Variants in METTL17 observed in about 807,000 individuals in gnomAD.
METTL17 encodes the protein methyltransferase like 17.
A neutral mutation model predicts 59.4 loss-of-function variants in METTL17; 49 were observed. The ratio of observed to expected loss-of-function variants is 0.82; its 90% CI spans 0.66 to 1.05. The LOEUF is 1.05. Ranked by LOEUF, METTL17 falls within the 50% of genes least tolerant of loss-of-function variation. METTL17 has a pLI of 0.00. For synonymous variants in METTL17, 208 were observed against 209.2 expected (o/e 0.99, Z 0.05); for missense variants, 555 against 578.4 (o/e 0.96, Z 0.41).
chr14:20,993,121 C>A lies in METTL17; in HGVS notation c.532C>A (p.Arg178=), dbSNP rs372199500. The A allele has an allele frequency of 6.2e-7, 1 of 1,613,972 alleles. No individual in the cohort carries two copies. Among genetic ancestry groups the A allele is most frequent in the Non-Finnish European group, 8.5e-7 (1 of 1,179,914 alleles). Residue 178 remains arginine (R), a synonymous_variant, in exon 6 of 14, where the codon CGG becomes AGG. Coordinates refer to ENST00000339374, the MANE Select transcript of METTL17 (RefSeq NM_022734.3). ...AAVSRAFHEI[R]ARNPAFQPQT... is the part of the protein sequence containing the mutation. ...GGGATGTTGTATATTTCTTCAGATC[C>A]GGGCTCGAAATCCAGCATTTCAGCC...
At chr14:20,992,283 A>G (rs1039741801) in intron 4 of METTL17, 78 bp downstream of exon 4, 27 of 907,140 alleles carry the variant, frequency 3.0e-5, no homozygotes, top group Non-Finnish European at 4.5e-5. Context: ...CAATTACACA[A>G]TCAATTTAGT....
intron 3 of METTL17, chr14:20,990,814 G>GTT (rs1306064025): frequency 1.9e-5 from 11 of 586,972 alleles, no homozygotes; most frequent in Non-Finnish European, 2.6e-5. Context: ...ACTGTTTTTT[G>GTT]TTTGTTTGTT....
chr14:20,996,715 T>G lies in METTL17; in HGVS notation c.1265+4T>G, dbSNP rs1555322032. ...TCACAGCCCGCCGGCACGGCAGGTA[T>G]GGGGGGTGTGACCAAAATCAGTGGG... is the stretch of plus-strand genomic sequence containing the variant. On this transcript the variant is annotated splice_donor_region_variant and intron_variant, in intron 13 of 13. Transcript: ENST00000339374. The G allele has an allele frequency of 6.2e-7, 1 of 1,614,202 alleles. No individual in the cohort carries two copies.
intron 10 of METTL17, 146 bp from the exon 11 acceptor site, chr14:20,995,755 G>C (rs1290447192): frequency 3.1e-6 from 2 of 649,398 alleles, no homozygotes; most frequent in Non-Finnish European, 5.4e-6. Context: ...GAGTATTAAA[G>C]ATGCAGCCAG....
chr14:20,990,992 G>A (rs1880004611), intron 3 of METTL17, among the ~76,000 whole-genome samples: 1 of 151,894 alleles, frequency 6.6e-6, no homozygotes, highest in Non-Finnish European at 1.5e-5. Flanking sequence ...CACCACACCC[G>A]GCTACTTGTA....
In METTL17 at chr14:20,996,288, G is replaced by T. The variant is rs1038809195; in HGVS notation, c.1076G>T (p.Ser359Ile). 2 of 1,613,818 alleles carry T rather than the reference G, an allele frequency of 1.2e-6. No individual in the cohort carries two copies. Among genetic ancestry groups the T allele is most frequent in the Non-Finnish European group, 1.7e-6 (2 of 1,179,940 alleles). The stretch of plus-strand genomic sequence containing the variant: ...CAGGCGTACCATCCCATCCCCTTCA[G>T]CTGGGTAGGTACCTGGGGATATTGC... Reference protein sequence around the residue: ...FSQAYHPIPFSWNKKPKEEKF... With the variant: ...FSQAYHPIPFIWNKKPKEEKF... The change falls in exon 12 of 14, where the codon AGC (serine) becomes ATC (isoleucine). Residue 359 changes from serine to isoleucine, a missense_variant. By Grantham distance (142) the Ser-to-Ile change is moderately radical. Coordinates refer to ENST00000339374, the MANE Select transcript of METTL17 (RefSeq NM_022734.3).
chr14:20,996,224 C>A lies in METTL17; in HGVS notation c.1012C>A (p.Pro338Thr). The change falls in exon 12 of 14, where the codon CCT becomes ACT. Residue 338 changes from proline to threonine, a missense_variant. Transcript: ENST00000339374. Reference sequence around the variant, plus strand: ...GTGTTCACAGTGTCCCCATGAACTCCCTTGTCCCCAGTTGACCAACCTGGC... The same window carrying A: ...GTGTTCACAGTGTCCCCATGAACTCACTTGTCCCCAGTTGACCAACCTGGC... ...FVFAPCPHELPCPQLTNLACS... is the reference protein window; with the variant it reads ...FVFAPCPHELTCPQLTNLACS... 6.2e-7 allele frequency: 1 copy of A among 1,614,090 alleles called. No homozygotes were observed. Among genetic ancestry groups the A allele is most frequent in the African/African-American group, 1.3e-5 (1 of 75,002 alleles).
At chr14:20,991,024 C>T (rs1260523165) in intron 3 of METTL17, among the ~76,000 whole-genome samples, 1 of 152,158 alleles carries the variant, frequency 6.6e-6, no homozygotes, top group African/African-American at 2.4e-5. Flanking sequence ...GACGGGGTTT[C>T]ATCATGGTGG....
rs1244539485 is a variant in METTL17 at position 20,996,916 on chromosome 14, T to C, written c.*26T>C. On this transcript the variant is annotated 3_prime_UTR_variant, in exon 14 of 14. Transcript: ENST00000339374. ...TGAGGATGTGTAACAAGTATTTTCT[T>C]CTATCGTGCCTGCCAGGGCTGAAGC... 6.3e-7 allele frequency: 1 copy of C among 1,584,706 alleles called. No individual in the cohort carries two copies. Among genetic ancestry groups the C allele is most frequent in the Non-Finnish European group, 8.6e-7 (1 of 1,164,304 alleles).
chr14:20,996,499 T>A, intron 12 of METTL17, 28 bp from the exon 13 acceptor site: 1 of 1,588,582 alleles, frequency 6.3e-7, no homozygotes. Flanking sequence ...CTTTTTCTTC[T>A]AAACAGTCTC....
At position 20,994,056 on chromosome 14, in the gene METTL17, ACTGAAAGGTGAGTGCAAGAGCACTTCC is replaced by A. The variant is rs767678778; in HGVS notation, c.691_697+20del. The A allele has an allele frequency of 1.9e-6, 3 of 1,613,424 alleles. No homozygotes were observed. The highest frequency in any genetic ancestry group is 2.5e-6 in the Non-Finnish European group (3 of 1,179,518). ...CCATGTTGGTTTTGGCAGAAAAACTACTGAAAGGTGAGTGCAAGAGCACTTCCAAAGTTGAGGGAGTTAAGAAAGCAA... is the reference window on the plus strand; with the variant it reads ...CCATGTTGGTTTTGGCAGAAAAACTAAAAGTTGAGGGAGTTAAGAAAGCAA... On this transcript the variant is annotated splice_donor_variant and splice_donor_5th_base_variant and coding_sequence_variant and intron_variant, in exon 7 of 14. Coordinates refer to ENST00000339374, the MANE Select transcript of METTL17 (RefSeq NM_022734.3). LOFTEE classifies it high-confidence loss of function.
rs769793149 is a variant in METTL17, at chr14:20,996,282, C to T, written c.1070C>T (p.Pro357Leu). ...CSFSQAYHPIPFSWNKKPKEE... is the reference protein window; with the variant it reads ...CSFSQAYHPILFSWNKKPKEE... ...TTCTCACAGGCGTACCATCCCATCC[C>T]CTTCAGCTGGGTAGGTACCTGGGGA... The change falls in exon 12 of 14, where the codon CCC (proline) becomes CTC (leucine). Residue 357 changes from proline to leucine, a missense_variant. By Grantham distance (98) the Pro-to-Leu change is moderately conservative. Coordinates refer to ENST00000339374, the MANE Select transcript of METTL17 (RefSeq NM_022734.3). The T allele has an allele frequency of 6.2e-7, 1 of 1,614,014 alleles. No homozygotes were observed. The highest frequency in any genetic ancestry group is 8.5e-7 in the Non-Finnish European group (1 of 1,179,922).
At position 20,990,388 on chromosome 14, in the gene METTL17, G is replaced by A. The variant is rs372816637; in HGVS notation, c.229+5G>A. ...GTGCCCAGTTATTGCTACTTGGTGAGTAACGGCGGGAAAGCGAGAAGAAAC... is the reference window on the plus strand; with the variant it reads ...GTGCCCAGTTATTGCTACTTGGTGAATAACGGCGGGAAAGCGAGAAGAAAC... On this transcript the variant is annotated splice_donor_5th_base_variant and intron_variant, in intron 2 of 13. Coordinates refer to ENST00000339374, the MANE Select transcript of METTL17 (RefSeq NM_022734.3). 14 of 1,613,738 alleles carry A rather than the reference G, an allele frequency of 8.7e-6. No homozygotes were observed. Among genetic ancestry groups the A allele is most frequent in the Non-Finnish European group, 1.2e-5 (14 of 1,179,716 alleles).
Position 20,993,995 on chromosome 14 carries a change from G to A in METTL17, c.629G>A (p.Ser210Asn). 6.2e-7 allele frequency: 1 copy of A among 1,613,758 alleles called. No individual in the cohort carries two copies. ...GCTGCTCACAGTATTTGGGGCCAGA[G>A]CCTACGTGAATATATGTGTGTGGAC... is the stretch of plus-strand genomic sequence containing the variant. ...TWAAHSIWGQSLREYMCVDRS... is the reference protein window; with the variant it reads ...TWAAHSIWGQNLREYMCVDRS... The change falls in exon 7 of 14, where the codon AGC becomes AAC. Residue 210 changes from serine (S) to asparagine (N), a missense_variant. Ser to Asn is a conservative substitution (Grantham distance 46, BLOSUM62 1). Coordinates refer to ENST00000339374, the MANE Select transcript of METTL17 (RefSeq NM_022734.3).
chr14:20,990,335 G>C lies in METTL17; in HGVS notation c.181G>C (p.Val61Leu). ...CCCTGGCATCCTAAAGCTGCCGCAC[G>C]TGCGGCTGCCACAGGCACTGGCTAA... ...QHPGILKLPH[V>L]RLPQALANGA... The change falls in exon 2 of 14, where the codon GTG becomes CTG. Residue 61 changes from valine (V) to leucine (L), a missense_variant. Val to Leu is a conservative substitution (Grantham distance 32, BLOSUM62 1). Coordinates refer to ENST00000339374, the MANE Select transcript of METTL17 (RefSeq NM_022734.3). 1 of 1,614,224 alleles carries C rather than the reference G, an allele frequency of 6.2e-7. No homozygotes were observed. Among genetic ancestry groups the C allele is most frequent in the Non-Finnish European group, 8.5e-7 (1 of 1,180,042 alleles).
chr14:20,992,862 G>A lies in METTL17; in HGVS notation c.528+240G>A, dbSNP rs570153793. ...TGTGATCTCCACTGTACTCCAGCCT[G>A]GTGACAGAGTGAGACCTCATCTCTT... On this transcript the variant is annotated intron_variant, in intron 5 of 13. Coordinates refer to ENST00000339374, the MANE Select transcript of METTL17 (RefSeq NM_022734.3). The A allele has an allele frequency of 1.6e-4, 95 of 602,504 alleles. 3 individuals carry two copies. The South Asian group carries it at 1.9e-3, about 12-fold the overall frequency. The allele number at this position is 602,504 out of a possible 1,614,324, so 37.3% of individuals were successfully genotyped here.
Position 20,994,499 on chromosome 14 carries a change from C to T in METTL17, c.698-44C>T, listed in dbSNP as rs763911325. On this transcript the variant is annotated intron_variant, in intron 7 of 13. Coordinates refer to ENST00000339374, the MANE Select transcript of METTL17 (RefSeq NM_022734.3). Reference sequence around the variant, plus strand: ...ATCTGGATATCTCTTCAGTTTATACCTAACTTCCTACACACTCACAGTTGC... The same window carrying T: ...ATCTGGATATCTCTTCAGTTTATACTTAACTTCCTACACACTCACAGTTGC... The T allele has an allele frequency of 4.0e-6, 6 of 1,509,724 alleles. No individual in the cohort carries two copies. In the Admixed American group the frequency reaches 5.0e-5, roughly 13 times the overall value. The allele number at this position is 1,509,724 out of a possible 1,614,324, so 93.5% of individuals were successfully genotyped here. A position where few individuals can be genotyped will look rare whatever the true frequency, so the allele number is the denominator to read the frequency against.
rs764267183 is a variant in METTL17, at chr14:20,992,164, A to G, written c.405A>G (p.Leu135=). The change falls in exon 4 of 14, where the codon CTA becomes CTG. Residue 135 remains leucine (L), a synonymous_variant. Transcript: ENST00000339374. ...AGGAGAAACTTCGTGGAGCAGTGCT[A>G]CACGCACTACGTAAAACTACCTACC... The part of the protein sequence containing the change: ...QTEEKLRGAV[L]HALRKTTYHW... The G allele has an allele frequency of 1.2e-6, 2 of 1,612,046 alleles. No individual in the cohort carries two copies. The highest frequency in any genetic ancestry group is 4.5e-5 in the East Asian group (2 of 44,860).
rs1242556660 is a variant in METTL17 at position 20,990,688 on chromosome 14, C to T, written c.364+90C>T. 23 of 1,481,266 alleles carry T rather than the reference C, an allele frequency of 1.6e-5. No individual in the cohort carries two copies. The East Asian group carries it at 5.6e-4, about 36-fold the overall frequency. 91.8% of individuals were successfully genotyped at this position (1,481,266 alleles called of 1,614,324 possible). ...AAATAATTCTACAATCTCTCAGATA[C>T]TGAAGTCTCTTATTTGACTTTCTAA... On this transcript the variant is annotated intron_variant, in intron 3 of 13. Transcript: ENST00000339374.
Sources: gnomAD v4.1 joint callset for allele counts (sites outside exome capture counted in the v4.1 genomes callset) on GRCh38, gnomAD v4.1.1 for gene constraint, MANE v1.5 for transcripts, NCBI Gene and HGNC (gene_info 2026-07-23, HGNC 2026-07-21) for gene names.